CDH8: variants seen among roughly 807,000 people sequenced by gnomAD.
The protein encoded by CDH8 is cadherin-8.
CDH8 carries 17 observed loss-of-function variants against 68.1 expected under a neutral mutation model. The ratio of observed to expected loss-of-function variants is 0.25; its 90% confidence interval spans 0.17 to 0.37. The LOEUF (loss-of-function observed/expected upper bound fraction) is 0.37, where lower values mean the gene tolerates loss of function less well. Ranked by LOEUF, CDH8 falls within the 10% of genes least tolerant of loss-of-function variation. CDH8 has a pLI of 1.00. For synonymous variants in CDH8, 372 were observed against 365.1 expected (o/e 1.02, Z -0.21); for missense variants, 763 against 999.3 (o/e 0.76, Z 3.19).
At chr16:62,009,039 A>C (rs1003616255) in intron 2 of CDH8, among the ~76,000 whole-genome samples, 2 of 152,084 alleles carry the variant, frequency 1.3e-5, no homozygotes, top group Non-Finnish European at 2.9e-5. Flanking sequence ...CACAAAAAAA[A>C]AAAAAAGCAA....
chr16:61,665,199 G>A (rs1963641293), intron 10 of CDH8, among the ~76,000 whole-genome samples: 3 of 151,824 alleles, frequency 2.0e-5, no homozygotes, highest in Admixed American at 6.6e-5. Context: ...ACACAAAGAA[G>A]AGCTCATGTG....
chr16:62,001,671 T>TA lies in CDH8; in HGVS notation c.252+19480_252+19481insT, dbSNP rs1174709893. Among the ~76,000 whole-genome samples, 30 of 151,964 alleles carry TA rather than the reference T, an allele frequency of 2.0e-4. 1 individual carries two copies. Among genetic ancestry groups the TA allele is most frequent in the East Asian group, 1.9e-4 (1 of 5,156 alleles). On this transcript the variant is annotated intron_variant, in intron 2 of 11. Coordinates refer to ENST00000577390, the MANE Select transcript of CDH8 (RefSeq NM_001796.5). ...AAATCCTTCTTACTTCAAACCGGTT[T>TA]TTTATTATTATTATTATGCTTTAAG...
At chr16:61,797,127 C>T (rs1266096000) in intron 7 of CDH8, among the ~76,000 whole-genome samples, 1 of 151,848 alleles carries the variant, frequency 6.6e-6, no homozygotes, top group Admixed American at 6.6e-5. Context: ...TTTTTTGTTG[C>T]TAACATATAT....
rs534589058 is a variant in CDH8 at position 61,821,432 on chromosome 16, T to G, written c.836-319A>C. Among the ~76,000 whole-genome samples, 12 of 152,190 alleles carry G rather than the reference T, an allele frequency of 7.9e-5. No homozygotes were observed. The South Asian group carries it at 2.3e-3, about 29-fold the overall frequency. On this transcript the variant is annotated intron_variant, in intron 5 of 11. Coordinates refer to ENST00000577390, the MANE Select transcript of CDH8 (RefSeq NM_001796.5). ...GACTATTAGGGAATCTATGTGTATA[T>G]TTTTTCCTTTTTGCTGTATAATCAC...
chr16:61,918,764 T>A (rs1257752128), intron 2 of CDH8: 1 of 152,718 alleles, frequency 6.5e-6, no homozygotes, highest in Non-Finnish European at 1.4e-5. Context: ...TGCCCAGGCT[T>A]GCTTAGGTAA....
At chr16:61,859,230 C>A (rs1198194895) in intron 3 of CDH8, among the ~76,000 whole-genome samples, 1 of 151,938 alleles carries the variant, frequency 6.6e-6, no homozygotes, top group Non-Finnish European at 1.5e-5. Context: ...AACTAGCTAG[C>A]AAAAATGAAC....
At chr16:61,912,694 T>A (rs1964180567) in intron 2 of CDH8, among the ~76,000 whole-genome samples, 1 of 152,144 alleles carries the variant, frequency 6.6e-6, no homozygotes. Flanking sequence ...AGATATGATC[T>A]TGGGCAGGTC....
chr16:61,735,540 G>GTT (rs1350938631), intron 8 of CDH8, among the ~76,000 whole-genome samples: 2 of 126,848 alleles, frequency 1.6e-5, no homozygotes, highest in Non-Finnish European at 3.3e-5. Context: ...TCAATACATA[G>GTT]TTATATATAT....
chr16:61,838,727 T>C, intron 4 of CDH8, among the ~76,000 whole-genome samples: 1 of 152,146 alleles, frequency 6.6e-6, no homozygotes, highest in South Asian at 2.1e-4. Flanking sequence ...TATATGTGCA[T>C]ATAAGTTCAA....
At chr16:61,832,375 G>GATAGATAC (rs1193533846) in intron 4 of CDH8, among the ~76,000 whole-genome samples, 162 of 147,314 alleles carry the variant, frequency 1.1e-3, no homozygotes, top group African/African-American at 2.7e-3. Flanking sequence ...TAGATAGATA[G>GATAGATAC]ATAGATACAT....
In CDH8 at chr16:61,697,906, G is replaced by A. The variant is rs187720558; in HGVS notation, c.1654+15935C>T. ...CGAAAAACAACCAAACAAAAAACAG[G>A]CTCATGCAACGTGCTTGAGGCAGCT... is the stretch of plus-strand genomic sequence containing the variant. On this transcript the variant is annotated intron_variant, in intron 10 of 11. Coordinates refer to ENST00000577390, the MANE Select transcript of CDH8 (RefSeq NM_001796.5). Among the ~76,000 whole-genome samples the A allele has an allele frequency of 3.3e-5, 5 of 152,312 alleles. No individual in the cohort carries two copies. In the East Asian group the frequency reaches 9.6e-4, roughly 29 times the overall value.
At chr16:61,739,696 C>A (rs573760099) in intron 8 of CDH8, among the ~76,000 whole-genome samples, 1 of 147,610 alleles carries the variant, frequency 6.8e-6, no homozygotes, top group Non-Finnish European at 1.5e-5. Flanking sequence ...CCACTACACT[C>A]TAGCCTGGGC....
At chr16:61,819,337 ATAAAG>A (rs1184867584) in intron 6 of CDH8, among the ~76,000 whole-genome samples, 2 of 152,108 alleles carry the variant, frequency 1.3e-5, no homozygotes, top group Admixed American at 6.6e-5. Flanking sequence ...GCAAATAAAA[ATAAAG>A]TAAATGGCTA....
intron 8 of CDH8, among the ~76,000 whole-genome samples, chr16:61,767,330 C>T (rs2142979609): frequency 6.6e-6 from 1 of 151,996 alleles, no homozygotes; most frequent in Non-Finnish European, 1.5e-5. Context: ...ATTATGAATT[C>T]ATGAAAAGTC....
rs146973236 is a variant in CDH8, at chr16:61,892,535, C to T, written c.547+8644G>A. Among the ~76,000 whole-genome samples, 1,425 of 152,058 alleles carry T rather than the reference C, an allele frequency of 9.4e-3. 23 individuals are homozygous for T. The highest frequency in any genetic ancestry group is 0.032 in the African/African-American group (1,339 of 41,488). On this transcript the variant is annotated intron_variant, in intron 3 of 11. Transcript: ENST00000577390. ...AAATACATTTATACTTTTTTTTGCACTAAACCAGTTTTGAATACAGATCAG... is the reference window on the plus strand; with the variant it reads ...AAATACATTTATACTTTTTTTTGCATTAAACCAGTTTTGAATACAGATCAG...
At chr16:61,799,110 C>G (rs1056632716) in intron 7 of CDH8, among the ~76,000 whole-genome samples, 1 of 152,080 alleles carries the variant, frequency 6.6e-6, no homozygotes, top group Admixed American at 6.6e-5. Flanking sequence ...GAAGCCCAAT[C>G]GATTTCTATG....
rs145915522 is a variant in CDH8 at position 61,839,733 on chromosome 16, G to T, written c.668-14554C>A. On this transcript the variant is annotated intron_variant, in intron 4 of 11. Transcript: ENST00000577390. ...GTGATTCCAATTAAAGCCATGGAGA[G>T]AGCACTTTTAATGAGATAGGGACTA... Among the ~76,000 whole-genome samples, 37 of 152,154 alleles carry T rather than the reference G, an allele frequency of 2.4e-4. No individual in the cohort carries two copies. In the East Asian group the frequency reaches 4.5e-3, roughly 18 times the overall value.
At chr16:61,749,670 C>T (rs7206338) in intron 8 of CDH8, among the ~76,000 whole-genome samples, 85,535 of 151,680 alleles carry the variant, frequency 0.56, 26,395 homozygotes, top group African/African-American at 0.83. Flanking sequence ...ACCAAGCAAA[C>T]TGCAGTGCTG....
intron 2 of CDH8, among the ~76,000 whole-genome samples, chr16:61,941,550 A>G (rs576344843): frequency 1.3e-5 from 2 of 152,236 alleles, no homozygotes; most frequent in African/African-American, 4.8e-5. Flanking sequence ...CCCAAGTTCA[A>G]GCAATTCTCC....
Sources: gnomAD v4.1 joint callset for allele counts (sites outside exome capture counted in the v4.1 genomes callset) on GRCh38, gnomAD v4.1.1 for gene constraint, MANE v1.5 for transcripts, NCBI Gene and HGNC (gene_info 2026-07-23, HGNC 2026-07-21) for gene names.